ADAMTS12: variants seen among roughly 807,000 people sequenced by gnomAD.
ADAMTS12 encodes A disintegrin and metalloproteinase with thrombospondin motifs 12.
Under a neutral mutation model 167.8 loss-of-function variants are expected in ADAMTS12, and 118 were observed. The observed-to-expected ratio is 0.70, with a 90% CI of 0.61 to 0.82. The LOEUF is 0.82. Ranked by LOEUF, ADAMTS12 falls within the 40% of genes least tolerant of loss-of-function variation. The pLI is 0.00. For missense variants in ADAMTS12, 1,916 were observed against 1,998.8 expected, an observed-to-expected ratio of 0.96 and a Z score of 0.79; for synonymous variants, 704 against 716.9, an observed-to-expected ratio of 0.98 and a Z score of 0.29.
chr5:33,536,478 C>A (rs1744412115), intron 22 of ADAMTS12, among the ~76,000 whole-genome samples: 2 of 152,176 alleles, frequency 1.3e-5, no homozygotes, highest in African/African-American at 2.4e-5. Context: ...CCATCTTTGT[C>A]CTTCTGGGTT....
chr5:33,841,903 C>T (rs1748758422), intron 2 of ADAMTS12, among the ~76,000 whole-genome samples: 1 of 152,180 alleles, frequency 6.6e-6, no homozygotes, highest in Non-Finnish European at 1.5e-5. Context: ...TCAGCCAGGG[C>T]CACATGGGTC....
intron 3 of ADAMTS12, among the ~76,000 whole-genome samples, chr5:33,738,321 T>C (rs1452866506): frequency 6.6e-6 from 1 of 152,098 alleles, no homozygotes; most frequent in East Asian, 1.9e-4. Flanking sequence ...TTTTTTTGTT[T>C]GTTTGGTTAC....
intron 4 of ADAMTS12, 111 bp from the exon 5 acceptor site, chr5:33,683,212 AG>A (rs1354748081): frequency 1.2e-6 from 1 of 805,760 alleles, no homozygotes; most frequent in African/African-American, 1.8e-5. Context: ...CTTATAGGTC[AG>A]AAATGTTTGG....
At chr5:33,851,981 C>T (rs1162752329) in intron 2 of ADAMTS12, among the ~76,000 whole-genome samples, 1 of 152,232 alleles carries the variant, frequency 6.6e-6, no homozygotes, top group African/African-American at 2.4e-5. Context: ...GCACATTCCC[C>T]ATATTCTTTC....
In ADAMTS12 at chr5:33,576,281, G is replaced by A. The variant is rs1453090732; in HGVS notation, c.3745C>T (p.Leu1249Phe). 4 of 1,614,050 alleles carry A rather than the reference G, an allele frequency of 2.5e-6. No individual in the cohort carries two copies. The highest frequency in any genetic ancestry group is 3.3e-5 in the Admixed American group (2 of 60,000). The change falls in exon 19 of 24, where the codon CTC (leucine) becomes TTC (phenylalanine). Residue 1249 changes from leucine (L) to phenylalanine (F), a missense_variant. Leu to Phe is a conservative substitution (Grantham distance 22, BLOSUM62 0). Transcript: ENST00000504830. ...GGCTGGTGGTCTCCTCCCAGAGGGA[G>A]CAGAGTGTTGGCTGGCTTTTCAGTA... ...MVTEKPANTLLPLGGDHQPEP... is the reference protein window; with the variant it reads ...MVTEKPANTLFPLGGDHQPEP...
intron 23 of ADAMTS12, among the ~76,000 whole-genome samples, chr5:33,528,960 G>T (rs917438743): frequency 2.0e-5 from 3 of 152,148 alleles, no homozygotes; most frequent in African/African-American, 7.2e-5. Context: ...CAGGAGAATC[G>T]CTTGAAACCG....
chr5:33,782,787 A>G (rs1746183791), intron 2 of ADAMTS12, among the ~76,000 whole-genome samples: 1 of 152,126 alleles, frequency 6.6e-6, no homozygotes, highest in Non-Finnish European at 1.5e-5. Flanking sequence ...AAATACATAA[A>G]GTAAAAGACT....
intron 3 of ADAMTS12, among the ~76,000 whole-genome samples, chr5:33,687,088 G>GTTT (rs11374890): frequency 6.8e-6 from 1 of 147,088 alleles, no homozygotes; most frequent in Non-Finnish European, 1.5e-5. Context: ...TAAGACATGA[G>GTTT]TTTTTTTTTT....
chr5:33,595,242 T>C (rs1747862910), intron 17 of ADAMTS12, among the ~76,000 whole-genome samples: 1 of 152,048 alleles, frequency 6.6e-6, no homozygotes, highest in African/African-American at 2.4e-5. Flanking sequence ...CTTGAACCAA[T>C]GTGATTAGCA....
chr5:33,710,506 T>G lies in ADAMTS12; in HGVS notation c.635-26451A>C, dbSNP rs116134414. 2.0e-3 allele frequency among the ~76,000 whole-genome samples: 297 copies of G among 152,288 alleles called. 2 individuals are homozygous for G. The highest frequency in any genetic ancestry group is 6.8e-3 in the African/African-American group (281 of 41,568). ...ACTCTCTCCCTTTGAAACAAATATT[T>G]ATTATGCATCTGCTATGACCTAGTC... On this transcript the variant is annotated intron_variant, in intron 3 of 23. Transcript: ENST00000504830.
intron 2 of ADAMTS12, among the ~76,000 whole-genome samples, chr5:33,849,612 T>TATGTATTGCATAGCAATACAC (rs1749133546): frequency 1.7e-5 from 1 of 58,782 alleles, no homozygotes; most frequent in African/African-American, 9.2e-5. Flanking sequence ...CATAGCAATA[T>TATGTATTGCATAGCAATACAC]ATATGTATTG....
chr5:33,639,272 T>C (rs1740345105), intron 11 of ADAMTS12, among the ~76,000 whole-genome samples: 1 of 152,214 alleles, frequency 6.6e-6, no homozygotes, highest in South Asian at 2.1e-4. Context: ...TGCTCAACAC[T>C]GTTCAGGGAG....
At chr5:33,832,839 A>G (rs1011198593) in intron 2 of ADAMTS12, among the ~76,000 whole-genome samples, 2 of 152,226 alleles carry the variant, frequency 1.3e-5, no homozygotes, top group Non-Finnish European at 2.9e-5. Context: ...TGCACTAAAG[A>G]CAGCCGTGGG....
intron 19 of ADAMTS12, among the ~76,000 whole-genome samples, chr5:33,564,134 G>A (rs753408378): frequency 6.6e-6 from 1 of 152,204 alleles, no homozygotes; most frequent in Non-Finnish European, 1.5e-5. Flanking sequence ...TTGCAAGAGC[G>A]ATTTCAGATC....
chr5:33,830,799 A>T (rs1419630270), intron 2 of ADAMTS12, among the ~76,000 whole-genome samples: 1 of 152,120 alleles, frequency 6.6e-6, no homozygotes, highest in Non-Finnish European at 1.5e-5. Flanking sequence ...CTGTATATAT[A>T]TAGCTTTCAT....
chr5:33,691,618 C>T (rs192034228), intron 3 of ADAMTS12, among the ~76,000 whole-genome samples: 19 of 152,270 alleles, frequency 1.2e-4, no homozygotes, highest in Admixed American at 9.2e-4. Context: ...TCTTGGAAAA[C>T]GGAGTTACCT....
At chr5:33,691,278 T>C (rs996588773) in intron 3 of ADAMTS12, among the ~76,000 whole-genome samples, 2 of 152,116 alleles carry the variant, frequency 1.3e-5, no homozygotes, top group African/African-American at 4.8e-5. Flanking sequence ...AGACAATGAG[T>C]CCCAGTTTGT....
intron 3 of ADAMTS12, among the ~76,000 whole-genome samples, chr5:33,725,000 C>T (rs979148996): frequency 4.6e-5 from 7 of 152,288 alleles, no homozygotes; most frequent in South Asian, 2.1e-4. Flanking sequence ...AGCTCAGGCC[C>T]GGAAACCCTA....
chr5:33,658,093 C>T (rs1202395068), intron 7 of ADAMTS12, 91 bp downstream of exon 7: 8 of 1,492,180 alleles, frequency 5.4e-6, no homozygotes, highest in South Asian at 1.3e-5. Context: ...GTCTCCTGAC[C>T]CCCAATTTGA....
Sources: gnomAD v4.1 joint callset for allele counts (sites outside exome capture counted in the v4.1 genomes callset) on GRCh38, gnomAD v4.1.1 for gene constraint, MANE v1.5 for transcripts, NCBI Gene and HGNC (gene_info 2026-07-23, HGNC 2026-07-21) for gene names.